The following ZFYVE1 variants were observed in gnomAD, a reference collection of about 807,000 sequenced individuals.
The protein encoded by ZFYVE1 is zinc finger FYVE domain-containing protein 1.
A neutral mutation model predicts 74.4 loss-of-function variants in ZFYVE1; 30 were observed. The ratio of observed to expected loss-of-function variants is 0.40; its 90% CI spans 0.30 to 0.55. The LOEUF is 0.55. Among genes scored for constraint, ZFYVE1 ranks in the 20% least tolerant of loss-of-function variants. ZFYVE1 has a pLI of 0.42. For synonymous variants in ZFYVE1, 335 were observed against 385.1 expected, an observed-to-expected ratio of 0.87 and a Z score of 1.52; for missense variants, 703 against 1,011.6, an observed-to-expected ratio of 0.69 and a Z score of 4.14.
At chr14:72,983,245 C>T (rs1044151107) in intron 4 of ZFYVE1, among the ~76,000 whole-genome samples, 2 of 151,456 alleles carry the variant, frequency 1.3e-5, no homozygotes, top group Non-Finnish European at 2.9e-5. Context: ...ATGAGCACAA[C>T]GTGCAGGTTT....
At chr14:73,003,869 CT>C (rs1158986092) in intron 2 of ZFYVE1, among the ~76,000 whole-genome samples, 2 of 152,186 alleles carry the variant, frequency 1.3e-5, no homozygotes, top group African/African-American at 2.4e-5. Flanking sequence ...CCGTGTCTAC[CT>C]TATCTTTACA....
At position 72,970,718 on chromosome 14, in the gene ZFYVE1, G is replaced by A. The variant is rs371096728; in HGVS notation, c.*164C>T. Reference sequence around the variant, plus strand: ...CCTGCCCTGAGGGGTCCACACCTTCGGGCCTGCCGCCAGGCTCACCCCCAC... The same window carrying A: ...CCTGCCCTGAGGGGTCCACACCTTCAGGCCTGCCGCCAGGCTCACCCCCAC... On this transcript the variant is annotated 3_prime_UTR_variant, in exon 12 of 12. Transcript: ENST00000556143. 1.1e-5 allele frequency: 8 copies of A among 747,168 alleles called. No individual in the cohort carries two copies. Among genetic ancestry groups the A allele is most frequent in the South Asian group, 3.7e-5 (2 of 53,400 alleles). 46.3% of individuals were successfully genotyped at this position (747,168 alleles called of 1,614,324 possible). A position where few individuals can be genotyped will look rare whatever the true frequency, so the allele number is the denominator to read the frequency against.
At chr14:72,993,506 G>A in intron 3 of ZFYVE1, 149 bp from the exon 4 acceptor site, 2 of 624,176 alleles carry the variant, frequency 3.2e-6, no homozygotes, top group Non-Finnish European at 5.3e-6. Context: ...AGTTCAGCCT[G>A]GCCAACATGG....
intron 2 of ZFYVE1, among the ~76,000 whole-genome samples, chr14:72,999,799 T>C (rs890088177): frequency 2.0e-5 from 3 of 152,144 alleles, no homozygotes; most frequent in Admixed American, 1.3e-4. Context: ...GTAGCTCATG[T>C]CTGTAATCTC....
At chr14:73,016,513 A>G (rs1016868648) in intron 2 of ZFYVE1, among the ~76,000 whole-genome samples, 2 of 101,946 alleles carry the variant, frequency 2.0e-5, no homozygotes, top group Non-Finnish European at 3.8e-5. Context: ...TTCCGTCTCA[A>G]ATAAATAAAT....
At chr14:72,981,970 C>T (rs1217004118) in intron 4 of ZFYVE1, 75 bp from the exon 5 acceptor site, 22 of 1,272,088 alleles carry the variant, frequency 1.7e-5, no homozygotes, top group Non-Finnish European at 2.2e-5. Context: ...CTGCAGGCAC[C>T]GTACAAGCAA....
In ZFYVE1 at chr14:72,975,075, C is replaced by G; in HGVS notation, c.1807-116G>C. The stretch of plus-strand genomic sequence containing the variant: ...GAAACTAAGGCAGGTGGCGTTAGCT[C>G]AACAAGGACAAGAGCTTTCTAGTAA... On this transcript the variant is annotated intron_variant, in intron 9 of 11. Transcript: ENST00000556143. The surrounding 1 kb of genome is among the most constrained non-coding windows in gnomAD (Gnocchi z 4.1). 1.8e-6 allele frequency: 2 copies of G among 1,135,704 alleles called. No individual in the cohort carries two copies. The highest frequency in any genetic ancestry group is 1.6e-5 in the South Asian group (1 of 60,848). The allele number at this position is 1,135,704 out of a possible 1,614,324, so 70.4% of individuals were successfully genotyped here.
At chr14:73,026,748 C>A (rs1032692719) in intron 1 of ZFYVE1, among the ~76,000 whole-genome samples, 178 bp downstream of exon 1, 1 of 150,792 alleles carries the variant, frequency 6.6e-6, no homozygotes, top group Non-Finnish European at 1.5e-5. Flanking sequence ...CCCAAAATCC[C>A]CCCCACGCCG....
intron 11 of ZFYVE1, among the ~76,000 whole-genome samples, chr14:72,971,374 T>C (rs1893031498): frequency 6.6e-6 from 1 of 152,182 alleles, no homozygotes; most frequent in Non-Finnish European, 1.5e-5. Flanking sequence ...TCTCATTCTG[T>C]CGCCCAGGTT....
At chr14:73,003,458 T>TCCC (rs1195305067) in intron 2 of ZFYVE1, among the ~76,000 whole-genome samples, 1 of 152,192 alleles carries the variant, frequency 6.6e-6, no homozygotes, top group Non-Finnish European at 1.5e-5. Context: ...GTAAACCAAA[T>TCCC]CCCCGTGCTT....
At position 72,998,227 on chromosome 14, in the gene ZFYVE1, T is replaced by C. The variant is rs748524010; in HGVS notation, c.572A>G (p.Asp191Gly). 2.5e-6 allele frequency: 4 copies of C among 1,612,010 alleles called. No individual in the cohort carries two copies. The highest frequency in any genetic ancestry group is 2.5e-6 in the Non-Finnish European group (3 of 1,179,544). The change falls in exon 3 of 12, where the codon GAT (aspartate) becomes GGT (glycine). Residue 191 changes from aspartate to glycine, a missense_variant. By Grantham distance (94) the Asp-to-Gly change is moderately conservative. Coordinates refer to ENST00000556143, the MANE Select transcript of ZFYVE1 (RefSeq NM_021260.4). ...KVVSIFGNTG[D>G]GKSHTLNHTF... Reference sequence around the variant, plus strand: ...GTGGTTGAGAGTATGAGACTTTCCATCACCAGTATTTCCAAAAATGGAAAC... The same window carrying C: ...GTGGTTGAGAGTATGAGACTTTCCACCACCAGTATTTCCAAAAATGGAAAC...
chr14:73,010,908 C>T (rs1251840810), intron 2 of ZFYVE1, among the ~76,000 whole-genome samples: 1 of 150,794 alleles, frequency 6.6e-6, no homozygotes, highest in African/African-American at 2.4e-5. Flanking sequence ...CTGTGTGTTA[C>T]GTGGATACTG....
chr14:72,979,528 C>T (rs1336437680), intron 5 of ZFYVE1, among the ~76,000 whole-genome samples: 7 of 151,900 alleles, frequency 4.6e-5, no homozygotes, highest in Non-Finnish European at 4.4e-5. Context: ...GTGGCTCATG[C>T]CTGTAATCCC....
rs144855301 is a variant in ZFYVE1 at position 73,003,691 on chromosome 14, C to A, written c.484-5376G>T. On this transcript the variant is annotated intron_variant, in intron 2 of 11. Transcript: ENST00000556143. Reference sequence around the variant, plus strand: ...TGCCACTGCACTCCAGCCTGGGCAACAGAGCAAGACTCTAACTGGAAAAAA... The same window carrying A: ...TGCCACTGCACTCCAGCCTGGGCAAAAGAGCAAGACTCTAACTGGAAAAAA... 6.5e-3 allele frequency among the ~76,000 whole-genome samples: 980 copies of A among 150,994 alleles called. 10 individuals are homozygous for A. The highest frequency in any genetic ancestry group is 0.023 in the African/African-American group (942 of 41,156).
chr14:72,981,032 C>A (rs1893316920), intron 5 of ZFYVE1, among the ~76,000 whole-genome samples: 1 of 152,210 alleles, frequency 6.6e-6, no homozygotes, highest in African/African-American at 2.4e-5. Context: ...ACCAAAGGCA[C>A]AGCCATTGCC....
chr14:72,993,396 A>T, intron 3 of ZFYVE1, 39 bp from the exon 4 acceptor site: 1 of 1,488,662 alleles, frequency 6.7e-7, no homozygotes, highest in Non-Finnish European at 9.0e-7. Flanking sequence ...GTAGTGAGTG[A>T]CATTTAAAAA....
At chr14:72,996,496 GGATC>G in intron 3 of ZFYVE1, among the ~76,000 whole-genome samples, 1 of 152,102 alleles carries the variant, frequency 6.6e-6, no homozygotes, top group South Asian at 2.1e-4. Flanking sequence ...CAGGCTCAAG[GGATC>G]CTCCTGCCTT....
At chr14:72,986,945 A>G (rs1300701802) in intron 4 of ZFYVE1, 1 of 985,344 alleles carries the variant, frequency 1.0e-6, no homozygotes, top group Non-Finnish European at 1.2e-6. Context: ...TCCCAAAGCT[A>G]GAAGAGAAAG....
intron 11 of ZFYVE1, among the ~76,000 whole-genome samples, chr14:72,973,434 A>G (rs1416195368): frequency 2.0e-5 from 3 of 152,108 alleles, no homozygotes; most frequent in Non-Finnish European, 2.9e-5. Context: ...GGTTGCAGTG[A>G]GCCAAGATCG....
Sources: gnomAD v4.1 joint callset for allele counts (sites outside exome capture counted in the v4.1 genomes callset) on GRCh38, gnomAD v4.1.1 for gene constraint, Gnocchi (gnomAD v3.1) non-coding constraint, MANE v1.5 for transcripts, NCBI Gene and HGNC (gene_info 2026-07-23, HGNC 2026-07-21) for gene names.